The following ATG4A variants were observed in gnomAD, a reference collection of about 807,000 sequenced individuals.
The protein encoded by ATG4A is autophagy related 4A cysteine peptidase.
Under a neutral mutation model 38.4 loss-of-function variants are expected in ATG4A, and 22 were observed. The observed-to-expected ratio is 0.57, with a 90% CI of 0.41 to 0.82. ATG4A has a LOEUF of 0.82. ATG4A is among the 40% of genes least tolerant of loss of function. The probability of loss-of-function intolerance (pLI) is 0.00; values close to 1 mark genes in which losing one functional copy is unlikely to be tolerated. For missense variants in ATG4A, 220 were observed against 290.0 expected (o/e 0.76, Z 1.75); for synonymous variants, 86 against 100.7 (o/e 0.85, Z 0.88).
intron 6 of ATG4A, among the ~76,000 whole-genome samples, chrX:108,136,560 G>A (rs2033112091): frequency 8.9e-6 from 1 of 111,774 alleles, no homozygotes; most frequent in African/African-American, 3.2e-5. Context: ...CTGGGGAACA[G>A]TGGAAGTAAT....
At chrX:108,095,727 T>G (rs1602602470) in intron 1 of ATG4A, among the ~76,000 whole-genome samples, 1 of 84,066 alleles carries the variant, frequency 1.2e-5, no homozygotes, top group Admixed American at 1.1e-4. Context: ...TTTTTTTTTT[T>G]GGAGACAAAG....
chrX:108,089,842 A>G (rs1569296140), upstream of ATG4A, among the ~76,000 whole-genome samples: 1 of 111,528 alleles, frequency 9.0e-6, no homozygotes, highest in African/African-American at 3.3e-5. Context: ...TCAAAAAATA[A>G]ATAAATAAAA....
rs60886281 is a variant in ATG4A at position 108,148,020 on chromosome X, A to AATAT, written c.815-2079_815-2076dup. ...CTCTAGAGGGACAGAACTAATGGAA[A>AATAT]ATATATATATATATATATATATATA... On this transcript the variant is annotated intron_variant, in intron 9 of 12. Coordinates refer to ENST00000372232, the MANE Select transcript of ATG4A (RefSeq NM_052936.5). Among the ~76,000 whole-genome samples, 174 of 79,991 alleles carry AATAT rather than the reference A, an allele frequency of 2.2e-3. 2 individuals are homozygous for AATAT. The highest frequency in any genetic ancestry group is 3.0e-3 in the Non-Finnish European group (125 of 42,100). 69.5% of individuals were successfully genotyped at this position (79,991 alleles called of 115,157 possible).
intron 9 of ATG4A, among the ~76,000 whole-genome samples, chrX:108,143,311 C>T (rs1431444263): frequency 9.0e-6 from 1 of 111,527 alleles, no homozygotes; most frequent in African/African-American, 3.3e-5. Context: ...TTCCCTTTGC[C>T]GTCAGTAAAC....
intron 11 of ATG4A, among the ~76,000 whole-genome samples, chrX:108,152,516 T>A (rs1301171036): frequency 9.0e-6 from 1 of 111,705 alleles, no homozygotes; most frequent in East Asian, 2.8e-4. Context: ...CAGGCATGAG[T>A]CACCGTGCCC....
intron 1 of ATG4A, among the ~76,000 whole-genome samples, chrX:108,098,507 T>C (rs1166995472): frequency 9.0e-6 from 1 of 111,432 alleles, no homozygotes; most frequent in Non-Finnish European, 1.9e-5. Context: ...AACCAGGAAA[T>C]TGATACTGGA....
intron 9 of ATG4A, among the ~76,000 whole-genome samples, chrX:108,145,599 A>G (rs1047782352): frequency 7.1e-5 from 8 of 112,729 alleles, no homozygotes; most frequent in African/African-American, 2.6e-4. Context: ...TTGAACTGGG[A>G]TGTGGTGGGA....
At chrX:108,152,084 GATAT>G (rs1199384617) in intron 11 of ATG4A, 7 of 314,836 alleles carry the variant, frequency 2.2e-5, no homozygotes, top group African/African-American at 1.8e-4. Context: ...TCAAGGGAGT[GATAT>G]TTTTAGTGAT....
At chrX:108,126,873 T>C in intron 2 of ATG4A, 1 of 707,053 alleles carries the variant, frequency 1.4e-6, no homozygotes, top group Non-Finnish European at 2.0e-6. Context: ...AAGAGGCAGC[T>C]CTGAGATTTG....
At chrX:108,093,128 A>G (rs774098432) in intron 1 of ATG4A, among the ~76,000 whole-genome samples, 8 of 111,460 alleles carry the variant, frequency 7.2e-5, no homozygotes, top group Non-Finnish European at 1.1e-4. Flanking sequence ...TGGTAACTTT[A>G]CTGAAGTGGG....
At chrX:108,090,792 C>G (rs2031588885), upstream of ATG4A, among the ~76,000 whole-genome samples, 1 of 112,517 alleles carries the variant, frequency 8.9e-6, no homozygotes, top group Non-Finnish European at 1.9e-5. Context: ...CTTAGAATGT[C>G]CACTCATTCC....
intron 1 of ATG4A, among the ~76,000 whole-genome samples, chrX:108,095,300 C>T (rs917421234): frequency 9.8e-5 from 11 of 112,261 alleles, no homozygotes; most frequent in African/African-American, 3.6e-4. Context: ...TCACGGCTCA[C>T]TGCAGCCTCC....
chrX:108,147,484 G>C (rs1468164816), intron 9 of ATG4A, among the ~76,000 whole-genome samples: 1 of 111,525 alleles, frequency 9.0e-6, no homozygotes, highest in Non-Finnish European at 1.9e-5. Context: ...CCTTTTGTTG[G>C]AGGCCAGTCA....
chrX:108,140,583 A>G (rs1214708058), intron 9 of ATG4A, among the ~76,000 whole-genome samples: 2 of 104,968 alleles, frequency 1.9e-5, no homozygotes, highest in Non-Finnish European at 3.9e-5. Context: ...ATACATATAT[A>G]TACATATATA....
At chrX:108,132,950 A>G (rs182113987) in intron 4 of ATG4A, among the ~76,000 whole-genome samples, 2 of 111,756 alleles carry the variant, frequency 1.8e-5, no homozygotes, top group Admixed American at 1.9e-4. Context: ...CTATTCAGCT[A>G]TTTTAAAATT....
At chrX:108,092,017 G>A in intron 1 of ATG4A, 181 bp downstream of exon 1, 1 of 770,423 alleles carries the variant, frequency 1.3e-6, no homozygotes, top group Non-Finnish European at 1.8e-6. Context: ...AAGGGTTGGA[G>A]CTGAGTACTA....
intron 9 of ATG4A, 25 bp from the exon 10 acceptor site, chrX:108,150,127 G>T: frequency 8.3e-7 from 1 of 1,208,736 alleles, no homozygotes; most frequent in Non-Finnish European, 1.1e-6. Flanking sequence ...TCCTTTGAAG[G>T]TTAAGCATAT....
At chrX:108,134,313 G>T (rs1332148576) in intron 5 of ATG4A, 26 bp from the exon 6 acceptor site, 1 of 1,194,283 alleles carries the variant, frequency 8.4e-7, no homozygotes, top group Admixed American at 2.3e-5. Context: ...TTGCTAACAT[G>T]TTATTTTTTT....
intron 1 of ATG4A, among the ~76,000 whole-genome samples, chrX:108,108,977 C>T (rs747544133): frequency 1.8e-5 from 2 of 112,027 alleles, no homozygotes; most frequent in African/African-American, 3.2e-5. Context: ...CATGGGTGTG[C>T]AAATATCTCT....
Sources: allele counts gnomAD v4.1 joint callset (sites outside exome capture counted in the v4.1 genomes callset), GRCh38; gene constraint gnomAD v4.1.1; transcripts MANE v1.5; gene names NCBI Gene and HGNC (gene_info 2026-07-23, HGNC 2026-07-21).